Variants in BCL9 observed in about 807,000 individuals in gnomAD.
The protein encoded by BCL9 is BCL9 transcription coactivator.
A neutral mutation model predicts 88.5 loss-of-function variants in BCL9; 25 were observed. The observed-to-expected ratio is 0.28, with a 90% confidence interval of 0.21 to 0.39. BCL9 has a LOEUF of 0.39. BCL9 is among the 10% of genes least tolerant of loss of function. The pLI is 1.00. For synonymous variants in BCL9, 711 were observed against 673.3 expected (o/e 1.06, Z -0.87); for missense variants, 1,817 against 1,877.8 (o/e 0.97, Z 0.60).
chr1:147,597,922 G>A (rs1657124382), intron 1 of BCL9, among the ~76,000 whole-genome samples: 1 of 152,222 alleles, frequency 6.6e-6, no homozygotes, highest in Non-Finnish European at 1.5e-5. Flanking sequence ...TTAACGCTTA[G>A]TAAAATGGCT....
intron 3 of BCL9, among the ~76,000 whole-genome samples, chr1:147,610,524 A>C (rs1249508064): frequency 6.6e-6 from 1 of 152,196 alleles, no homozygotes; most frequent in Non-Finnish European, 1.5e-5. Flanking sequence ...CTCAAAGTAC[A>C]TGTAAGCTGC....
intron 1 of BCL9, among the ~76,000 whole-genome samples, chr1:147,544,723 C>T (rs1253606316): frequency 6.6e-6 from 1 of 152,112 alleles, no homozygotes; most frequent in Non-Finnish European, 1.5e-5. Context: ...CATATCCTAC[C>T]CCTCCCAGTG....
intron 1 of BCL9, chr1:147,600,076 G>C (rs1450734314): frequency 6.6e-6 from 1 of 150,434 alleles, no homozygotes; most frequent in Non-Finnish European, 1.5e-5. Flanking sequence ...TCGTGGCGCG[G>C]TGCGGCGGGG....
intron 1 of BCL9, among the ~76,000 whole-genome samples, chr1:147,584,510 CT>C (rs1333636913): frequency 1.3e-5 from 2 of 152,050 alleles, no homozygotes; most frequent in Admixed American, 6.6e-5. Flanking sequence ...GTTGACTAAT[CT>C]TTTTTTTAAT....
intron 2 of BCL9, among the ~76,000 whole-genome samples, chr1:147,605,415 G>C (rs1223750421): frequency 6.6e-6 from 1 of 152,342 alleles, no homozygotes; most frequent in Admixed American, 6.5e-5. Context: ...GGTAATCAAG[G>C]AGAATTTCAC....
intron 7 of BCL9, among the ~76,000 whole-genome samples, chr1:147,618,190 T>C (rs1294860192): frequency 6.6e-6 from 1 of 152,030 alleles, no homozygotes; most frequent in East Asian, 1.9e-4. Context: ...GTGGAATCAG[T>C]GATCACCAAC....
chr1:147,582,983 A>T (rs1387443213), intron 1 of BCL9, among the ~76,000 whole-genome samples: 1 of 152,246 alleles, frequency 6.6e-6, no homozygotes, highest in Admixed American at 6.5e-5. Flanking sequence ...ACAAATATTT[A>T]CCAAGTGTTT....
At chr1:147,556,018 T>C (rs587754494) in intron 1 of BCL9, among the ~76,000 whole-genome samples, 1 of 152,308 alleles carries the variant, frequency 6.6e-6, no homozygotes, top group African/African-American at 2.4e-5. Context: ...GCTCCACTGG[T>C]GGCAGGAAGG....
At position 147,619,454 on chromosome 1, in the gene BCL9, A is replaced by G. The variant is rs782772023; in HGVS notation, c.1299A>G (p.Gln433=). Residue 433 remains glutamine, a synonymous_variant, in exon 8 of 10, where the codon CAA becomes CAG. Transcript: ENST00000234739. This position sits in a 1 kb window ranked among gnomAD's most constrained non-coding sequence, Gnocchi z 4.1. ...ACGTGGGAGCTCCATTTGGCCCTCA[A>G]GGACATAGAGATGTACCCTTTTCTC... ...RTDVGAPFGP[Q]GHRDVPFSPD... is the part of the protein sequence containing the mutation. 7 of 1,614,192 alleles carry G rather than the reference A, an allele frequency of 4.3e-6. No homozygotes were observed. Among genetic ancestry groups the G allele is most frequent in the East Asian group, 2.2e-5 (1 of 44,882 alleles).
chr1:147,562,952 G>T (rs1341832889), intron 1 of BCL9, among the ~76,000 whole-genome samples: 1 of 152,000 alleles, frequency 6.6e-6, no homozygotes, highest in Non-Finnish European at 1.5e-5. Context: ...CTCTTAAAAC[G>T]CTCTCCTTTG....
chr1:147,619,664 T>G lies in BCL9; in HGVS notation c.1509T>G (p.His503Gln). 3 of 1,614,034 alleles carry G rather than the reference T, an allele frequency of 1.9e-6. No individual in the cohort carries two copies. In the South Asian group the frequency reaches 3.3e-5, roughly 18 times the overall value. ...QQCSLQDMMV[H>Q]QHGPRGVVRG... The stretch of plus-strand genomic sequence containing the variant: ...GTTCCCTCCAGGACATGATGGTCCA[T>G]CAGCACGGGCCTCGGGGAGTGGTCC... Residue 503 changes from histidine (H) to glutamine (Q), a missense_variant, in exon 8 of 10, where the codon CAT (histidine) becomes CAG (glutamine). Physicochemically the swap from His to Gln is conservative, Grantham distance 24. This residue lies in a region of BCL9 where 1,228 missense variants were observed against 1,191.6 expected (regional missense o/e 1.03). Transcript: ENST00000234739. This position sits in a 1 kb window ranked among gnomAD's most constrained non-coding sequence, Gnocchi z 4.1.
At chr1:147,563,849 T>G (rs1322606459) in intron 1 of BCL9, among the ~76,000 whole-genome samples, 2 of 152,260 alleles carry the variant, frequency 1.3e-5, no homozygotes, top group Admixed American at 6.5e-5. Flanking sequence ...TTGTCACACA[T>G]TATCTCATTT....
At chr1:147,561,831 G>A (rs587645019) in intron 1 of BCL9, among the ~76,000 whole-genome samples, 1 of 152,294 alleles carries the variant, frequency 6.6e-6, no homozygotes, top group Non-Finnish European at 1.5e-5. Flanking sequence ...AGCAGCGAGA[G>A]TGTCATGGAG....
chr1:147,541,837 C>T (rs1487832898), intron 1 of BCL9, among the ~76,000 whole-genome samples, 163 bp downstream of exon 1: 1 of 151,818 alleles, frequency 6.6e-6, no homozygotes, highest in Non-Finnish European at 1.5e-5. Flanking sequence ...CTGGGGATGG[C>T]CCCTCTTTCG....
At chr1:147,552,598 C>T (rs989072656) in intron 1 of BCL9, among the ~76,000 whole-genome samples, 9 of 152,176 alleles carry the variant, frequency 5.9e-5, no homozygotes, top group African/African-American at 2.2e-4. Context: ...AAGAGTGAAA[C>T]TCTGTCTCAA....
chr1:147,606,178 T>G (rs937683072), intron 2 of BCL9, among the ~76,000 whole-genome samples: 17 of 152,180 alleles, frequency 1.1e-4, no homozygotes, highest in African/African-American at 4.1e-4. Flanking sequence ...CAGTACTTAG[T>G]GTTTTATTGA....
chr1:147,593,389 C>CT (rs1296193512), intron 1 of BCL9, among the ~76,000 whole-genome samples: 2 of 152,084 alleles, frequency 1.3e-5, no homozygotes, highest in Non-Finnish European at 2.9e-5. Context: ...TTGCTGAGTC[C>CT]TTTGCCTGGC....
intron 6 of BCL9, among the ~76,000 whole-genome samples, chr1:147,614,849 T>TG (rs1424182541): frequency 2.6e-5 from 4 of 151,092 alleles, no homozygotes; most frequent in Non-Finnish European, 4.4e-5. Context: ...TTTTTCTTTT[T>TG]TTTTTTTTGA....
intron 1 of BCL9, among the ~76,000 whole-genome samples, chr1:147,561,167 G>T (rs1046816159): frequency 6.6e-6 from 1 of 152,200 alleles, no homozygotes; most frequent in Non-Finnish European, 1.5e-5. Flanking sequence ...GTACAGCAAA[G>T]AATTAGGAAA....
Sources: allele counts gnomAD v4.1 joint callset (sites outside exome capture counted in the v4.1 genomes callset), GRCh38; gene constraint gnomAD v4.1.1; regional missense constraint gnomAD v4.1.1; non-coding constraint Gnocchi (gnomAD v3.1); transcripts MANE v1.5; gene names NCBI Gene and HGNC (gene_info 2026-07-23, HGNC 2026-07-21).